The following TMEM108 variants were observed in gnomAD, a reference collection of about 807,000 sequenced individuals.
TMEM108 encodes the protein transmembrane protein 108, also known as cancer/testis antigen 124.
Under a neutral mutation model 35.1 loss-of-function variants are expected in TMEM108, and 12 were observed. That is an observed-to-expected ratio of 0.34 (90% CI 0.22 to 0.55). The LOEUF (loss-of-function observed/expected upper bound fraction) is 0.55, where lower values mean the gene tolerates loss of function less well. TMEM108 is among the 20% of genes least tolerant of loss of function. The probability of loss-of-function intolerance (pLI) is 0.89; values close to 1 mark genes in which losing one functional copy is unlikely to be tolerated. For missense variants in TMEM108, 680 were observed against 753.3 expected, an observed-to-expected ratio of 0.90 and a Z score of 1.14; for synonymous variants, 287 against 308.6, an observed-to-expected ratio of 0.93 and a Z score of 0.73.
intron 3 of TMEM108, among the ~76,000 whole-genome samples, chr3:133,233,598 C>T (rs1182479600): frequency 2.0e-5 from 3 of 151,676 alleles, no homozygotes; most frequent in African/African-American, 4.8e-5. Context: ...AGTTCTAGAT[C>T]CCTGAGGAAT....
chr3:133,225,382 T>A (rs1946054487), intron 2 of TMEM108, among the ~76,000 whole-genome samples: 1 of 152,126 alleles, frequency 6.6e-6, no homozygotes, highest in African/African-American at 2.4e-5. Flanking sequence ...GCACTTTATC[T>A]TTCTTTTTCT....
chr3:133,274,168 C>G (rs994887411), intron 3 of TMEM108, among the ~76,000 whole-genome samples: 6 of 152,352 alleles, frequency 3.9e-5, no homozygotes, highest in African/African-American at 1.2e-4. Context: ...GCATGCCCCA[C>G]TGCCTTCCCA....
At chr3:133,240,417 A>T (rs1489479554) in intron 3 of TMEM108, among the ~76,000 whole-genome samples, 2 of 152,230 alleles carry the variant, frequency 1.3e-5, no homozygotes, top group Non-Finnish European at 2.9e-5. Context: ...TTAATAAGAC[A>T]TTCTCATTGT....
chr3:133,247,322 TTA>T (rs898568738), intron 3 of TMEM108: 1 of 152,196 alleles, frequency 6.6e-6, no homozygotes, highest in African/African-American at 2.4e-5. Context: ...TGTGCTTCCA[TTA>T]TTAGCATTGC....
chr3:133,393,919 C>T (rs562865815), intron 5 of TMEM108, among the ~76,000 whole-genome samples: 2 of 152,348 alleles, frequency 1.3e-5, no homozygotes, highest in East Asian at 1.9e-4. Flanking sequence ...GAAAGGGCTG[C>T]CCCAGCCAGT....
At chr3:133,152,432 C>T (rs1454455208) in intron 2 of TMEM108, among the ~76,000 whole-genome samples, 1 of 152,138 alleles carries the variant, frequency 6.6e-6, no homozygotes, top group Non-Finnish European at 1.5e-5. Context: ...CTAGATGGCA[C>T]ACTGCTCTCT....
intron 2 of TMEM108, among the ~76,000 whole-genome samples, chr3:133,055,271 G>A (rs76748040): frequency 0.025 from 3,765 of 152,176 alleles, 177 homozygotes; most frequent in African/African-American, 0.085. Context: ...CTTTAAAGAA[G>A]CATTAATCTT....
intron 2 of TMEM108, among the ~76,000 whole-genome samples, chr3:133,154,060 T>C (rs1944841019): frequency 6.6e-6 from 1 of 152,084 alleles, no homozygotes; most frequent in Non-Finnish European, 1.5e-5. Flanking sequence ...AAAATTTTCA[T>C]GTGTTTTTTG....
chr3:133,062,132 T>C (rs968707560), intron 2 of TMEM108, among the ~76,000 whole-genome samples: 6 of 152,236 alleles, frequency 3.9e-5, no homozygotes, highest in African/African-American at 4.8e-5. Context: ...GGTCACTAAT[T>C]AGCTTTGCAA....
rs187793831 is a variant in TMEM108 at position 133,346,529 on chromosome 3, T to C, written c.41-33223T>C. On this transcript the variant is annotated intron_variant, in intron 3 of 5. Transcript: ENST00000321871. The surrounding 1 kb of genome is among the most constrained non-coding windows in gnomAD (Gnocchi z 4.0). ...AATTGAATTTTCTTATATTAAATTT[T>C]AAGAGAGATTTGTATATTTTGGATT... is the stretch of plus-strand genomic sequence containing the variant. 7.3e-4 allele frequency among the ~76,000 whole-genome samples: 111 copies of C among 152,194 alleles called. No homozygotes were observed. Among genetic ancestry groups the C allele is most frequent in the Non-Finnish European group, 1.3e-3 (90 of 67,920 alleles).
rs183709294 is a variant in TMEM108, at chr3:133,048,378, G to A, written c.-47+2358G>A. ...ATTTCTTCTCTTCTTTAGGAATATG[G>A]AAAGGGATTATCTTTAATATATGCC... On this transcript the variant is annotated intron_variant, in intron 2 of 5. Transcript: ENST00000321871. Among the ~76,000 whole-genome samples the A allele has an allele frequency of 1.7e-3, 262 of 152,272 alleles. 2 individuals carry two copies. The highest frequency in any genetic ancestry group is 6.2e-3 in the African/African-American group (257 of 41,562).
intron 3 of TMEM108, among the ~76,000 whole-genome samples, chr3:133,269,905 C>T (rs567910209): frequency 1.3e-5 from 2 of 152,302 alleles, no homozygotes; most frequent in Admixed American, 1.3e-4. Flanking sequence ...TGTCAATACT[C>T]CCACACCAAA....
At chr3:133,364,851 A>C (rs2072457588) in intron 3 of TMEM108, among the ~76,000 whole-genome samples, 1 of 152,214 alleles carries the variant, frequency 6.6e-6, no homozygotes, top group African/African-American at 2.4e-5. Context: ...TGCCAGAATC[A>C]ACACCTTCAG....
chr3:133,047,474 T>A (rs1164948363), intron 2 of TMEM108, among the ~76,000 whole-genome samples: 1 of 152,200 alleles, frequency 6.6e-6, no homozygotes, highest in Non-Finnish European at 1.5e-5. Context: ...ATGCTAGAGA[T>A]GCCAGTGGAC....
At chr3:133,325,339 A>G (rs1416292801) in intron 3 of TMEM108, among the ~76,000 whole-genome samples, 1 of 152,202 alleles carries the variant, frequency 6.6e-6, no homozygotes, top group Non-Finnish European at 1.5e-5. Context: ...AAAGGGCAGT[A>G]GGTGGGTGAG....
intron 2 of TMEM108, among the ~76,000 whole-genome samples, chr3:133,149,077 A>G (rs1280397890): frequency 6.6e-6 from 1 of 152,170 alleles, no homozygotes; most frequent in African/African-American, 2.4e-5. Context: ...CACCTACATC[A>G]GTCAAGCTGG....
chr3:133,152,053 A>G (rs1944809750), intron 2 of TMEM108, among the ~76,000 whole-genome samples: 1 of 152,188 alleles, frequency 6.6e-6, no homozygotes, highest in African/African-American at 2.4e-5. Context: ...TCCGTTGACC[A>G]AAACAGCATC....
At chr3:133,387,634 C>A in intron 4 of TMEM108, 1 of 787,658 alleles carries the variant, frequency 1.3e-6, no homozygotes, top group Non-Finnish European at 1.5e-6. Flanking sequence ...TTTCCATGCC[C>A]CACCTTCTAG....
At chr3:133,378,124 T>C (rs368054882) in intron 3 of TMEM108, among the ~76,000 whole-genome samples, 3 of 151,992 alleles carry the variant, frequency 2.0e-5, no homozygotes, top group African/African-American at 7.3e-5. Context: ...TAGAAAAAAA[T>C]AGATTGTTTA....
Sources: gnomAD v4.1 joint callset for allele counts (sites outside exome capture counted in the v4.1 genomes callset) on GRCh38, gnomAD v4.1.1 for gene constraint, Gnocchi (gnomAD v3.1) non-coding constraint, MANE v1.5 for transcripts, NCBI Gene and HGNC (gene_info 2026-07-23, HGNC 2026-07-21) for gene names.